Variants in GSS observed in about 807,000 individuals in gnomAD.
GSS encodes the protein glutathione synthetase, also known as GSH synthetase.
Under a neutral mutation model 60.4 loss-of-function variants are expected in GSS, and 34 were observed. The ratio of observed to expected loss-of-function variants is 0.56; its 90% CI spans 0.43 to 0.75. The LOEUF (loss-of-function observed/expected upper bound fraction) is 0.75, where lower values mean the gene tolerates loss of function less well. Ranked by LOEUF, GSS falls within the 30% of genes least tolerant of loss-of-function variation. The pLI is 0.00. For missense variants in GSS, 499 were observed against 595.1 expected (o/e 0.84, Z 1.68); for synonymous variants, 224 against 239.0 (o/e 0.94, Z 0.58).
chr20:34,951,647 A>G, intron 2 of GSS, 77 bp downstream of exon 2: 1 of 1,489,264 alleles, frequency 6.7e-7, no homozygotes, highest in Non-Finnish European at 9.2e-7. Flanking sequence ...TCCCTGATGC[A>G]AAGGAGTGAC....
Position 34,942,482 on chromosome 20 carries a change from A to G in GSS, c.491+6T>C, listed in dbSNP as rs1422019628. ...AGGTATGCCGGGGGCTGCCCAGGGG[A>G]CCCACCGGTGCACAGCTGGGGTCCG... On this transcript the variant is annotated splice_donor_region_variant and intron_variant, in intron 5 of 12. Coordinates refer to ENST00000651619, the MANE Select transcript of GSS (RefSeq NM_000178.4). The G allele has an allele frequency of 6.2e-7, 1 of 1,612,788 alleles. No homozygotes were observed. Among genetic ancestry groups the G allele is most frequent in the Non-Finnish European group, 8.5e-7 (1 of 1,179,430 alleles).
Position 34,951,724 on chromosome 20 carries a change from C to A in GSS, c.129G>T (p.Glu43Asp), listed in dbSNP as rs1354261557. The A allele has an allele frequency of 6.2e-7, 1 of 1,604,404 alleles. No homozygotes were observed. Among genetic ancestry groups the A allele is most frequent in the Admixed American group, 1.7e-5 (1 of 58,802 alleles). The change falls in exon 2 of 13, where the codon GAG (glutamate) becomes GAT (aspartate). Residue 43 changes from glutamate to aspartate, a missense_variant and splice_region_variant. Glu to Asp is a conservative substitution (Grantham distance 45). Transcript: ENST00000651619. ...CTGTGGGGAGGAGCTAGGGGCTTAC[C>A]TCCGAGGAAGTGGGCTCCTGTGAGG... ...LRTSQEPTSS[E>D]VVSYAPFTLF... is the part of the protein sequence containing the mutation.
intron 1 of GSS, chr20:34,952,173 C>T: frequency 2.5e-6 from 1 of 406,170 alleles, no homozygotes; most frequent in South Asian, 2.1e-5. Context: ...ACTGGTATAG[C>T]CTGGACTTGA....
intron 6 of GSS, among the ~76,000 whole-genome samples, chr20:34,937,772 G>A (rs962985155): frequency 6.6e-5 from 10 of 152,266 alleles, no homozygotes; most frequent in East Asian, 1.9e-4. Flanking sequence ...ACATATTTCC[G>A]TTGTCAAAGA....
At chr20:34,950,523 TG>T (rs1383518540) in intron 2 of GSS, among the ~76,000 whole-genome samples, 1 of 150,406 alleles carries the variant, frequency 6.6e-6, no homozygotes, top group African/African-American at 2.5e-5. Flanking sequence ...CCAGCAATTT[TG>T]GGGGGCAGAG....
At chr20:34,940,471 G>A (rs1416252668) in intron 6 of GSS, among the ~76,000 whole-genome samples, 1 of 152,212 alleles carries the variant, frequency 6.6e-6, no homozygotes, top group African/African-American at 2.4e-5. Context: ...CTCCCTTGGA[G>A]GTAAGAGCAT....
chr20:34,932,818 A>G (rs978129666), intron 9 of GSS, among the ~76,000 whole-genome samples: 1 of 151,400 alleles, frequency 6.6e-6, no homozygotes, highest in Non-Finnish European at 1.5e-5. Context: ...ACACACACAA[A>G]TCCCAATTTT....
chr20:34,941,951 A>T, intron 5 of GSS, 122 bp from the exon 6 acceptor site: 2 of 748,134 alleles, frequency 2.7e-6, no homozygotes, highest in Non-Finnish European at 2.5e-6. Flanking sequence ...GCATCCTCCC[A>T]TCACATTCCT....
intron 9 of GSS, among the ~76,000 whole-genome samples, chr20:34,934,605 T>G (rs549395214): frequency 6.6e-6 from 1 of 152,066 alleles, no homozygotes; most frequent in Non-Finnish European, 1.5e-5. Flanking sequence ...AGACAGTTTA[T>G]CTCTCCTGTA....
In GSS at chr20:34,938,769, T is replaced by C. The variant is rs529680580; in HGVS notation, c.609-1746A>G. 2.0e-5 allele frequency among the ~76,000 whole-genome samples: 3 copies of C among 152,324 alleles called. No homozygotes were observed. The East Asian group carries it at 5.8e-4, about 29-fold the overall frequency. On this transcript the variant is annotated intron_variant, in intron 6 of 12. Transcript: ENST00000651619. ...CTCTCCTGCCTTCAGTTCTGAGCAGTTCTCAGCAGTCTGTTTCCTAGTAGG... is the reference window on the plus strand; with the variant it reads ...CTCTCCTGCCTTCAGTTCTGAGCAGCTCTCAGCAGTCTGTTTCCTAGTAGG...
At chr20:34,935,903 C>A (rs1325170143) in intron 8 of GSS, among the ~76,000 whole-genome samples, 42 of 152,118 alleles carry the variant, frequency 2.8e-4, no homozygotes, top group Non-Finnish European at 1.0e-4. Context: ...CCAGAAGGAA[C>A]AAGAAGGTCA....
Position 34,945,967 on chromosome 20 carries a change from C to T in GSS, c.261G>A (p.Glu87=). Reference sequence around the variant, plus strand: ...CTGTCCCCTACCTGGAAAGAGTTTGCTCCAGGAAGGCAGCGTTCTGGCTGA... The same window carrying T: ...CTGTCCCCTACCTGGAAAGAGTTTGTTCCAGGAAGGCAGCGTTCTGGCTGA... ...DAVSQNAAFL[E]QTLSSTIKQD... The change falls in exon 3 of 13, where the codon GAG becomes GAA. Residue 87 remains glutamate (E), a synonymous_variant. Coordinates refer to ENST00000651619, the MANE Select transcript of GSS (RefSeq NM_000178.4). 2 of 1,614,104 alleles carry T rather than the reference C, an allele frequency of 1.2e-6. No homozygotes were observed. Among genetic ancestry groups the T allele is most frequent in the South Asian group, 2.2e-5 (2 of 91,080 alleles).
intron 2 of GSS, among the ~76,000 whole-genome samples, chr20:34,950,444 T>C (rs1261441101): frequency 6.6e-6 from 1 of 151,510 alleles, no homozygotes; most frequent in East Asian, 1.9e-4. Context: ...GGTCTTAAGG[T>C]GTACTGTTAA....
At chr20:34,953,796 T>C (rs1181635282) in intron 1 of GSS, among the ~76,000 whole-genome samples, 1 of 152,068 alleles carries the variant, frequency 6.6e-6, no homozygotes, top group Non-Finnish European at 1.5e-5. Context: ...TTTGTATTTT[T>C]AGTAGAGACG....
chr20:34,954,513 CAT>C, intron 1 of GSS: 1 of 150,656 alleles, frequency 6.6e-6, no homozygotes, highest in Non-Finnish European at 1.5e-5. Context: ...GAGATCGTGC[CAT>C]TGCACTCCAG....
At chr20:34,931,815 C>T in intron 10 of GSS, 124 bp downstream of exon 10, 1 of 877,808 alleles carries the variant, frequency 1.1e-6, no homozygotes, top group South Asian at 1.5e-5. Context: ...TCCAGAGCAT[C>T]ACCAACCTTG....
intron 11 of GSS, 50 bp downstream of exon 11, chr20:34,931,286 G>C (rs371421288): frequency 1.4e-6 from 2 of 1,418,598 alleles, no homozygotes; most frequent in Non-Finnish European, 2.0e-6. Flanking sequence ...ACTGGCCACA[G>C]CCTGCTAGTC....
intron 9 of GSS, chr20:34,934,189 A>AC (rs1005876230): frequency 6.6e-6 from 1 of 152,036 alleles, no homozygotes; most frequent in African/African-American, 2.4e-5. Context: ...AAAAAAAAAA[A>AC]AAGTCTACCT....
At chr20:34,951,421 A>G (rs1026153740) in intron 2 of GSS, 2 of 379,220 alleles carry the variant, frequency 5.3e-6, no homozygotes, top group Non-Finnish European at 9.8e-6. Flanking sequence ...CACATGAATC[A>G]TCCTGTAATT....
Sources: allele counts gnomAD v4.1 joint callset (sites outside exome capture counted in the v4.1 genomes callset), GRCh38; gene constraint gnomAD v4.1.1; transcripts MANE v1.5; gene names NCBI Gene and HGNC (gene_info 2026-07-23, HGNC 2026-07-21).